IFT57: variants seen among roughly 807,000 people sequenced by gnomAD.
IFT57 encodes the protein intraflagellar transport 57, also known as intraflagellar transport protein 57 homolog.
In IFT57, 59 loss-of-function variants were observed where a neutral mutation model predicts 56.8. The observed-to-expected ratio is 1.04, with a 90% CI of 0.84 to 1.29. The LOEUF is 1.29. IFT57 is among the 50% of genes most tolerant of loss of function. IFT57 has a pLI of 0.00. For missense variants in IFT57, 470 were observed against 522.1 expected, an observed-to-expected ratio of 0.90 and a Z score of 0.97; for synonymous variants, 209 against 186.1, an observed-to-expected ratio of 1.12 and a Z score of -1.00.
At chr3:108,175,603 A>G (rs976946235) in intron 6 of IFT57, among the ~76,000 whole-genome samples, 14 of 151,826 alleles carry the variant, frequency 9.2e-5, no homozygotes, top group Admixed American at 6.6e-4. Context: ...CTTCAACACA[A>G]TAACACTTGA....
At chr3:108,205,417 C>T (rs540899460) in intron 5 of IFT57, among the ~76,000 whole-genome samples, 5 of 151,976 alleles carry the variant, frequency 3.3e-5, no homozygotes, top group African/African-American at 9.6e-5. Flanking sequence ...TTGACCACAA[C>T]GTTATATTAC....
chr3:108,171,831 A>C (rs751733249), intron 6 of IFT57, among the ~76,000 whole-genome samples: 4 of 151,872 alleles, frequency 2.6e-5, no homozygotes, highest in African/African-American at 4.8e-5. Flanking sequence ...GCCTGGTTCC[A>C]AAAAGAATTT....
rs576310909 is a variant in IFT57, at chr3:108,161,510, T to A, written c.*967A>T. Reference sequence around the variant, plus strand: ...TAAACATAAAGCATTCTTATCAAATTTTCTACCACTGCTTTTGAAAATTAT... The same window carrying A: ...TAAACATAAAGCATTCTTATCAAATATTCTACCACTGCTTTTGAAAATTAT... On this transcript the variant is annotated 3_prime_UTR_variant, in exon 11 of 11. Transcript: ENST00000264538. The A allele has an allele frequency of 1.4e-5, 2 of 142,276 alleles. No homozygotes were observed. The highest frequency in any genetic ancestry group is 4.7e-4 in the South Asian group (2 of 4,296). 8.8% of individuals were successfully genotyped at this position (142,276 alleles called of 1,614,324 possible). A position where few individuals can be genotyped will look rare whatever the true frequency, so the allele number is the denominator to read the frequency against.
At chr3:108,206,538 T>G in intron 5 of IFT57, 90 bp downstream of exon 5, 1 of 514,688 alleles carries the variant, frequency 1.9e-6, no homozygotes, top group Non-Finnish European at 3.4e-6. Flanking sequence ...TACAAAACAA[T>G]GGCCAACAAC....
Position 108,162,653 on chromosome 3 carries a change from G to T in IFT57, c.1114C>A (p.Pro372Thr). 6.3e-7 allele frequency: 1 copy of T among 1,585,842 alleles called. No individual in the cohort carries two copies. The highest frequency in any genetic ancestry group is 8.6e-7 in the Non-Finnish European group (1 of 1,164,212). The change falls in exon 11 of 11, where the codon CCT (proline) becomes ACT (threonine). Residue 372 changes from proline (P) to threonine (T), a missense_variant and splice_region_variant. By Grantham distance (38) the Pro-to-Thr change is conservative. Transcript: ENST00000264538. ...AAGCTCTGTTTAATCTTCACCAAAG[G>T]AGCTGCAGAATGAAAATAACATGAA... ...EKGSSMTDGA[P>T]LVKIKQSLTK...
intron 5 of IFT57, among the ~76,000 whole-genome samples, chr3:108,202,003 C>T (rs1221574188): frequency 1.3e-5 from 2 of 152,142 alleles, no homozygotes; most frequent in Admixed American, 1.3e-4. Context: ...GTGTTTAAAC[C>T]TTTTGAGATA....
intron 6 of IFT57, among the ~76,000 whole-genome samples, chr3:108,173,475 C>G (rs971067008): frequency 2.0e-5 from 3 of 151,768 alleles, no homozygotes; most frequent in Non-Finnish European, 4.4e-5. Context: ...AATATCCAGT[C>G]AAAATTGCAT....
At chr3:108,174,315 T>G (rs1365985031) in intron 6 of IFT57, among the ~76,000 whole-genome samples, 1 of 146,986 alleles carries the variant, frequency 6.8e-6, no homozygotes, top group Non-Finnish European at 1.5e-5. Flanking sequence ...CTGCGATAGT[T>G]AAAAGCTTTA....
chr3:108,173,547 G>A (rs974281382), intron 6 of IFT57, among the ~76,000 whole-genome samples: 2 of 151,754 alleles, frequency 1.3e-5, no homozygotes, highest in Non-Finnish European at 1.5e-5. Context: ...GTGCTTGAAA[G>A]GCTTACATTA....
intron 3 of IFT57, 51 bp from the exon 4 acceptor site, chr3:108,214,072 C>CA (rs781126050): frequency 7.3e-6 from 8 of 1,092,304 alleles, no homozygotes; most frequent in Admixed American, 6.0e-5. Context: ...TTTAGTAAGA[C>CA]AAAAAAATCA....
At chr3:108,198,816 T>C (rs1164499959) in intron 5 of IFT57, among the ~76,000 whole-genome samples, 10 of 152,200 alleles carry the variant, frequency 6.6e-5, no homozygotes, top group African/African-American at 2.4e-4. Context: ...GTGTAATGTA[T>C]GAGGGAGGAA....
At chr3:108,214,767 T>C (rs2080361637) in intron 3 of IFT57, among the ~76,000 whole-genome samples, 1 of 152,190 alleles carries the variant, frequency 6.6e-6, no homozygotes, top group Admixed American at 6.5e-5. Context: ...AATGTCTATT[T>C]ATACCATTTA....
chr3:108,163,114 T>A (rs2080042576), intron 10 of IFT57, among the ~76,000 whole-genome samples: 1 of 151,946 alleles, frequency 6.6e-6, no homozygotes, highest in African/African-American at 2.4e-5. Context: ...CTCTAGAAAA[T>A]TTTTCTAGGG....
At chr3:108,194,920 TTAAG>T (rs994019955) in intron 5 of IFT57, among the ~76,000 whole-genome samples, 4 of 152,132 alleles carry the variant, frequency 2.6e-5, no homozygotes, top group African/African-American at 9.7e-5. Flanking sequence ...CAAAGATTTC[TTAAG>T]TAAGACCTCA....
Position 108,211,631 on chromosome 3 carries a change from T to A in IFT57, c.585+2300A>T, listed in dbSNP as rs73850831. 4.0e-3 allele frequency among the ~76,000 whole-genome samples: 608 copies of A among 152,360 alleles called. 5 individuals are homozygous for A. The highest frequency in any genetic ancestry group is 0.014 in the African/African-American group (564 of 41,590). ...ATATGCAGAATGAATGAATATATCTTTGTCTTGACCTTTAAAATCCATCAC... is the reference window on the plus strand; with the variant it reads ...ATATGCAGAATGAATGAATATATCTATGTCTTGACCTTTAAAATCCATCAC... On this transcript the variant is annotated intron_variant, in intron 4 of 10. Coordinates refer to ENST00000264538, the MANE Select transcript of IFT57 (RefSeq NM_018010.4).
intron 8 of IFT57, 85 bp downstream of exon 8, chr3:108,166,769 G>T: frequency 8.9e-7 from 1 of 1,123,790 alleles, no homozygotes. Flanking sequence ...AGCATTTCAT[G>T]ATTCTCAAAT....
intron 6 of IFT57, among the ~76,000 whole-genome samples, chr3:108,177,537 C>T (rs1207825665): frequency 6.6e-6 from 1 of 151,392 alleles, no homozygotes; most frequent in Non-Finnish European, 1.5e-5. Context: ...TTCCAAAATG[C>T]AAGGTTAGTT....
chr3:108,162,552 C>T lies in IFT57; in HGVS notation c.1215G>A (p.Lys405=). 1.9e-6 allele frequency: 3 copies of T among 1,612,562 alleles called. No individual in the cohort carries two copies. The highest frequency in any genetic ancestry group is 4.5e-5 in the East Asian group (2 of 44,824). ...GIVEHTLLQS[K]LKEKSNMTRN... ...TAGTCATGTTGGACTTCTCCTTCAG[C>T]TTTGATTGGAGTAGTGTGTGTTCCA... Residue 405 remains lysine (K), a synonymous_variant, in exon 11 of 11, where the codon AAG becomes AAA. Coordinates refer to ENST00000264538, the MANE Select transcript of IFT57 (RefSeq NM_018010.4).
At chr3:108,194,374 G>A (rs2080232024) in intron 5 of IFT57, among the ~76,000 whole-genome samples, 2 of 152,004 alleles carry the variant, frequency 1.3e-5, no homozygotes, top group African/African-American at 4.8e-5. Context: ...GATATTCCAA[G>A]TTCATGGTCT....
Sources: allele counts gnomAD v4.1 joint callset (sites outside exome capture counted in the v4.1 genomes callset), GRCh38; gene constraint gnomAD v4.1.1; transcripts MANE v1.5; gene names NCBI Gene and HGNC (gene_info 2026-07-23, HGNC 2026-07-21).